Variants in IRS1 observed in about 807,000 individuals in gnomAD.
The protein encoded by IRS1 is insulin receptor substrate 1.
In IRS1, 34 loss-of-function variants were observed where a neutral mutation model predicts 65.6. That is an observed-to-expected ratio of 0.52 (90% CI 0.39 to 0.69). IRS1 has a LOEUF of 0.69. IRS1 is among the 30% of genes least tolerant of loss of function. The probability of loss-of-function intolerance (pLI) is 0.00; values close to 1 mark genes in which losing one functional copy is unlikely to be tolerated. For missense variants in IRS1, 1,641 were observed against 1,720.2 expected (o/e 0.95, Z 0.81); for synonymous variants, 699 against 683.5 (o/e 1.02, Z -0.35).
intron 1 of IRS1, among the ~76,000 whole-genome samples, chr2:226,737,048 C>T (rs1938339077): frequency 6.6e-6 from 1 of 151,190 alleles, no homozygotes. Context: ...CCCACTAACT[C>T]GTCATCTAGC....
chr2:226,766,143 ATATATATATATATATATATATTT>A (rs1261971209), intron 1 of IRS1, among the ~76,000 whole-genome samples: 11 of 3,656 alleles, frequency 3.0e-3, no homozygotes, highest in Non-Finnish European at 5.2e-3. Flanking sequence ...ATATATATAT[ATATATATATATATATATATATTT>A]TTTTTTTTTT....
chr2:226,795,080 C>T lies in IRS1; in HGVS notation c.3659G>A (p.Arg1220His), dbSNP rs779453938. 14 of 1,246,604 alleles carry T rather than the reference C, an allele frequency of 1.1e-5. No individual in the cohort carries two copies. The highest frequency in any genetic ancestry group is 6.4e-5 in the South Asian group (5 of 78,710). 77.2% of individuals were successfully genotyped at this position (1,246,604 alleles called of 1,614,324 possible). A position where few individuals can be genotyped will look rare whatever the true frequency, so the allele number is the denominator to read the frequency against. ...PLGSGESSST[R>H]RSSEDLSAYA... ...GGCGCTTAAATCCTCACTTGAGCGGCGGGTGGAGCTGCTCTCACCGCTGCC... is the reference window on the plus strand; with the variant it reads ...GGCGCTTAAATCCTCACTTGAGCGGTGGGTGGAGCTGCTCTCACCGCTGCC... The change falls in exon 1 of 2, where the codon CGC becomes CAC. Residue 1220 changes from arginine (R) to histidine (H), a missense_variant. Arg to His is a conservative substitution (Grantham distance 29). Coordinates refer to ENST00000305123, the MANE Select transcript of IRS1 (RefSeq NM_005544.3).
At chr2:226,762,458 A>G (rs546179470) in intron 1 of IRS1, among the ~76,000 whole-genome samples, 18 of 152,128 alleles carry the variant, frequency 1.2e-4, no homozygotes, top group Non-Finnish European at 2.4e-4. Context: ...TACTCATTGC[A>G]CTAAAAGTTT....
At chr2:226,781,495 G>C (rs1939381059) in intron 1 of IRS1, among the ~76,000 whole-genome samples, 1 of 152,158 alleles carries the variant, frequency 6.6e-6, no homozygotes, top group Admixed American at 6.6e-5. Context: ...CAGTGAATTA[G>C]ATCGAATTGG....
At chr2:226,741,600 T>C (rs1372605910) in intron 1 of IRS1, among the ~76,000 whole-genome samples, 1 of 152,010 alleles carries the variant, frequency 6.6e-6, no homozygotes, top group African/African-American at 2.4e-5. Context: ...ATTTCCTATT[T>C]CACACAATTA....
chr2:226,790,177 G>A (rs1359294985), intron 1 of IRS1, among the ~76,000 whole-genome samples: 1 of 152,202 alleles, frequency 6.6e-6, no homozygotes, highest in African/African-American at 2.4e-5. Context: ...TACTGATGAA[G>A]AAATAGGTCC....
At chr2:226,742,278 A>G (rs949852803) in intron 1 of IRS1, among the ~76,000 whole-genome samples, 1 of 152,224 alleles carries the variant, frequency 6.6e-6, no homozygotes, top group East Asian at 1.9e-4. Flanking sequence ...AATCACACAC[A>G]TCAAGTGAAG....
chr2:226,772,014 A>C (rs1307728548), intron 1 of IRS1, among the ~76,000 whole-genome samples: 4 of 152,178 alleles, frequency 2.6e-5, no homozygotes, highest in Non-Finnish European at 5.9e-5. Flanking sequence ...TTAACAGTAC[A>C]CCATACTCAT....
At position 226,795,651 on chromosome 2, in the gene IRS1, T is replaced by C; in HGVS notation, c.3088A>G (p.Thr1030Ala). The change falls in exon 1 of 2, where the codon ACC (threonine) becomes GCC (alanine). Residue 1030 changes from threonine (T) to alanine (A), a missense_variant. Physicochemically the swap from Thr to Ala is moderately conservative, Grantham distance 58. This residue lies in a region of IRS1 where 1,324 missense variants were observed against 1,361.0 expected (regional missense o/e 0.97). Coordinates refer to ENST00000305123, the MANE Select transcript of IRS1 (RefSeq NM_005544.3). Reference protein sequence around the residue: ...AAEEVSLPRATMAAASSSSAA... With the variant: ...AAEEVSLPRAAMAAASSSSAA... ...GAGGATGAGGAGGCAGCAGCCATGGTGGCCCTGGGCAGGCTCACCTCCTCT... is the reference window on the plus strand; with the variant it reads ...GAGGATGAGGAGGCAGCAGCCATGGCGGCCCTGGGCAGGCTCACCTCCTCT... 5.0e-6 allele frequency: 8 copies of C among 1,612,942 alleles called. No individual in the cohort carries two copies. Among genetic ancestry groups the C allele is most frequent in the Non-Finnish European group, 5.9e-6 (7 of 1,179,890 alleles).
intron 1 of IRS1, among the ~76,000 whole-genome samples, chr2:226,785,785 C>T (rs905269381): frequency 6.6e-6 from 1 of 151,594 alleles, no homozygotes; most frequent in Admixed American, 6.6e-5. Context: ...GGTACATGTG[C>T]ACAATGTGCA....
intron 1 of IRS1, among the ~76,000 whole-genome samples, chr2:226,763,263 C>A (rs1938956502): frequency 6.6e-6 from 1 of 152,106 alleles, no homozygotes; most frequent in South Asian, 2.1e-4. Flanking sequence ...TTTTTGGTTT[C>A]TTTTTATTCA....
At chr2:226,752,900 G>A (rs1346948648) in intron 1 of IRS1, among the ~76,000 whole-genome samples, 1 of 152,178 alleles carries the variant, frequency 6.6e-6, no homozygotes, top group Non-Finnish European at 1.5e-5. Flanking sequence ...CGGTTTCACG[G>A]TAAAACAGTG....
chr2:226,741,826 C>CACAT (rs1011524376), intron 1 of IRS1, among the ~76,000 whole-genome samples: 1 of 125,102 alleles, frequency 8.0e-6, no homozygotes, highest in Non-Finnish European at 1.7e-5. Flanking sequence ...CACACACACA[C>CACAT]ATAACACACA....
chr2:226,752,989 C>A (rs1317131987), intron 1 of IRS1, among the ~76,000 whole-genome samples: 1 of 152,196 alleles, frequency 6.6e-6, no homozygotes, highest in Non-Finnish European at 1.5e-5. Context: ...CAGATCCTAA[C>A]AACTAACAAA....
chr2:226,753,253 G>A (rs913332327), intron 1 of IRS1, among the ~76,000 whole-genome samples: 15 of 152,138 alleles, frequency 9.9e-5, no homozygotes, highest in African/African-American at 3.6e-4. Context: ...AATTACCACT[G>A]TTTTATCACT....
chr2:226,791,857 C>T (rs991284725), intron 1 of IRS1, among the ~76,000 whole-genome samples: 2 of 152,078 alleles, frequency 1.3e-5, no homozygotes, highest in Non-Finnish European at 2.9e-5. Context: ...CCTGGATGAC[C>T]CGAGACGGGC....
At chr2:226,771,646 A>T (rs1248962318) in intron 1 of IRS1, among the ~76,000 whole-genome samples, 1 of 151,986 alleles carries the variant, frequency 6.6e-6, no homozygotes, top group African/African-American at 2.4e-5. Flanking sequence ...ACATCTATAT[A>T]TATGTTTATA....
At position 226,797,411 on chromosome 2, in the gene IRS1, C is replaced by A. The variant is rs745943416; in HGVS notation, c.1328G>T (p.Arg443Leu). 3.1e-6 allele frequency: 5 copies of A among 1,612,142 alleles called. No homozygotes were observed. Among genetic ancestry groups the A allele is most frequent in the Admixed American group, 3.3e-5 (2 of 59,918 alleles). Reference protein sequence around the residue: ...SSPCDFRSSFRSVTPDSLGHT... With the variant: ...SSPCDFRSSFLSVTPDSLGHT... ...GCCCAGGGAATCCGGAGTGACACTG[C>A]GGAAGGAACTCCGGAAATCGCAGGG... Residue 443 changes from arginine to leucine, a missense_variant, in exon 1 of 2, where the codon CGC (arginine) becomes CTC (leucine). Coordinates refer to ENST00000305123, the MANE Select transcript of IRS1 (RefSeq NM_005544.3). This position sits in a 1 kb window ranked among gnomAD's most constrained non-coding sequence, Gnocchi z 8.1.
At chr2:226,754,797 T>C (rs1158416780) in intron 1 of IRS1, among the ~76,000 whole-genome samples, 1 of 152,220 alleles carries the variant, frequency 6.6e-6, no homozygotes, top group African/African-American at 2.4e-5. Context: ...AAACAACATT[T>C]CACTTAATAG....
Sources: allele counts gnomAD v4.1 joint callset (sites outside exome capture counted in the v4.1 genomes callset), GRCh38; gene constraint gnomAD v4.1.1; regional missense constraint gnomAD v4.1.1; non-coding constraint Gnocchi (gnomAD v3.1); transcripts MANE v1.5; gene names NCBI Gene and HGNC (gene_info 2026-07-23, HGNC 2026-07-21).